Variants in MAN2A1 observed in about 807,000 individuals in gnomAD.
MAN2A1 encodes the protein alpha-mannosidase 2.
A neutral mutation model predicts 142.6 loss-of-function variants in MAN2A1; 76 were observed. The observed-to-expected ratio is 0.53, with a 90% confidence interval of 0.44 to 0.65. MAN2A1 has a LOEUF of 0.65. Among genes scored for constraint, MAN2A1 ranks in the 30% least tolerant of loss-of-function variants. The probability of loss-of-function intolerance (pLI) is 0.00; values close to 1 mark genes in which losing one functional copy is unlikely to be tolerated. For synonymous variants in MAN2A1, 559 were observed against 473.2 expected, an observed-to-expected ratio of 1.18 and a Z score of -2.35; for missense variants, 1,311 against 1,365.1, an observed-to-expected ratio of 0.96 and a Z score of 0.62.
rs188414828 is a variant in MAN2A1, at chr5:109,712,891, A to G, written c.136-629A>G. ...GGTATTATTTTGTATAACGAGGTTT[A>G]TGTTACAGAGATGGCAACCCTCTTA... On this transcript the variant is annotated intron_variant, in intron 1 of 21. Transcript: ENST00000261483. Among the ~76,000 whole-genome samples, 6 of 152,324 alleles carry G rather than the reference A, an allele frequency of 3.9e-5. No individual in the cohort carries two copies. The East Asian group carries it at 5.8e-4, about 15-fold the overall frequency.
At chr5:109,746,090 T>C (rs1388817746) in intron 4 of MAN2A1, among the ~76,000 whole-genome samples, 1 of 152,208 alleles carries the variant, frequency 6.6e-6, no homozygotes, top group Non-Finnish European at 1.5e-5. Context: ...TTCTCGTGCC[T>C]CAGCCTCCCG....
intron 7 of MAN2A1, among the ~76,000 whole-genome samples, chr5:109,771,283 A>T (rs1350519878): frequency 6.6e-6 from 1 of 152,224 alleles, no homozygotes; most frequent in African/African-American, 2.4e-5. Context: ...CTAGGAAAAT[A>T]ATATAGCCCA....
rs73781629 is a variant in MAN2A1, at chr5:109,706,660, A to G, written c.136-6860A>G. Among the ~76,000 whole-genome samples, 534 of 152,260 alleles carry G rather than the reference A, an allele frequency of 3.5e-3. 6 individuals carry two copies. The highest frequency in any genetic ancestry group is 0.012 in the African/African-American group (511 of 41,544). On this transcript the variant is annotated intron_variant, in intron 1 of 21. Transcript: ENST00000261483. ...AGATAAAGGTAATCTTTGCTCTTAC[A>G]TGGTGGGCACATTTGATGACATAAT...
At chr5:109,820,389 A>AT (rs771807812) in intron 15 of MAN2A1, 47 bp downstream of exon 15, 1 of 1,541,966 alleles carries the variant, frequency 6.5e-7, no homozygotes, top group South Asian at 1.2e-5. Context: ...ACTTATTGAA[A>AT]GAGTATTGAG....
At chr5:109,704,828 C>T (rs1486722467) in intron 1 of MAN2A1, among the ~76,000 whole-genome samples, 1 of 152,142 alleles carries the variant, frequency 6.6e-6, no homozygotes, top group Non-Finnish European at 1.5e-5. Flanking sequence ...GTGTGAGAAT[C>T]GCCTGGTGAG....
intron 12 of MAN2A1, among the ~76,000 whole-genome samples, chr5:109,794,426 G>C (rs1272932843): frequency 6.6e-6 from 1 of 152,080 alleles, no homozygotes; most frequent in East Asian, 1.9e-4. Context: ...CTTTCCATTA[G>C]TTAACAGAAA....
chr5:109,738,009 G>C (rs947613840), intron 4 of MAN2A1, among the ~76,000 whole-genome samples: 1 of 152,128 alleles, frequency 6.6e-6, no homozygotes, highest in Admixed American at 6.6e-5. Context: ...CGTGTGCTTT[G>C]TGCATTCCTT....
intron 16 of MAN2A1, among the ~76,000 whole-genome samples, chr5:109,833,866 T>C (rs1390334359): frequency 6.6e-6 from 1 of 152,206 alleles, no homozygotes; most frequent in African/African-American, 2.4e-5. Flanking sequence ...TAGGTATGCT[T>C]TCAATTTTGG....
At chr5:109,841,250 G>A (rs1473220643) in intron 16 of MAN2A1, among the ~76,000 whole-genome samples, 1 of 152,152 alleles carries the variant, frequency 6.6e-6, no homozygotes, top group Non-Finnish European at 1.5e-5. Context: ...CATCACCTGA[G>A]CAGTATACAC....
At chr5:109,693,665 A>G (rs1750734952) in intron 1 of MAN2A1, among the ~76,000 whole-genome samples, 1 of 151,944 alleles carries the variant, frequency 6.6e-6, no homozygotes, top group South Asian at 2.1e-4. Context: ...CTCTGGGGCA[A>G]GAGTGGGCTG....
intron 4 of MAN2A1, among the ~76,000 whole-genome samples, chr5:109,753,959 A>G (rs887365049): frequency 8.7e-5 from 13 of 149,588 alleles, no homozygotes; most frequent in Non-Finnish European, 1.0e-4. Flanking sequence ...CCCAGGCTGG[A>G]GTGCAGTGGC....
chr5:109,718,362 A>G (rs1169869395), intron 3 of MAN2A1, among the ~76,000 whole-genome samples: 1 of 152,240 alleles, frequency 6.6e-6, no homozygotes, highest in African/African-American at 2.4e-5. Flanking sequence ...CTTAACTGTA[A>G]TAATAAAATC....
chr5:109,816,625 G>C (rs1475305630), intron 12 of MAN2A1, among the ~76,000 whole-genome samples: 1 of 152,066 alleles, frequency 6.6e-6, no homozygotes, highest in Non-Finnish European at 1.5e-5. Context: ...ATGAATATTA[G>C]ATTTTTAACT....
At chr5:109,758,627 T>C (rs543605806) in intron 5 of MAN2A1, among the ~76,000 whole-genome samples, 2 of 150,078 alleles carry the variant, frequency 1.3e-5, no homozygotes, top group Admixed American at 6.7e-5. Flanking sequence ...TTTTATGGTT[T>C]TAGCTCTTAC....
In MAN2A1 at chr5:109,865,112, G is replaced by A. The variant is rs1580327710; in HGVS notation, c.3248G>A (p.Gly1083Asp). ...KGFDCRFSSKGTGLFCSTTQG... is the reference protein window; with the variant it reads ...KGFDCRFSSKDTGLFCSTTQG... The stretch of plus-strand genomic sequence containing the variant: ...TTTGATTGTCGGTTCTCTAGCAAAG[G>A]CACAGGGCTGTTTTGTTCTACTACT... Residue 1083 changes from glycine to aspartate, a missense_variant, in exon 21 of 22, where the codon GGC becomes GAC. Gly to Asp is a moderately conservative substitution (Grantham distance 94, BLOSUM62 -1). Coordinates refer to ENST00000261483, the MANE Select transcript of MAN2A1 (RefSeq NM_002372.4). The A allele has an allele frequency of 1.2e-6, 2 of 1,613,996 alleles. No individual in the cohort carries two copies. Among genetic ancestry groups the A allele is most frequent in the East Asian group, 4.5e-5 (2 of 44,882 alleles).
chr5:109,718,453 G>A (rs1247944525), intron 3 of MAN2A1, among the ~76,000 whole-genome samples: 1 of 152,164 alleles, frequency 6.6e-6, no homozygotes, highest in African/African-American at 2.4e-5. Context: ...GATTCACGAT[G>A]AAGGTGTTAC....
chr5:109,839,722 A>G (rs1755151700), intron 16 of MAN2A1, among the ~76,000 whole-genome samples: 1 of 138,990 alleles, frequency 7.2e-6, no homozygotes, highest in South Asian at 2.2e-4. Context: ...TAATAGTTTT[A>G]TGAATGTAGG....
intron 8 of MAN2A1, among the ~76,000 whole-genome samples, chr5:109,778,523 C>T (rs1447933332): frequency 6.6e-6 from 1 of 151,964 alleles, no homozygotes; most frequent in Non-Finnish European, 1.5e-5. Context: ...CCTTATATTC[C>T]TCATTTACAG....
chr5:109,776,789 T>C (rs972134342), intron 8 of MAN2A1, among the ~76,000 whole-genome samples: 3 of 152,172 alleles, frequency 2.0e-5, no homozygotes, highest in Non-Finnish European at 4.4e-5. Context: ...TACTTTCACA[T>C]CTGTCACCAT....
Sources: gnomAD v4.1 joint callset for allele counts (sites outside exome capture counted in the v4.1 genomes callset) on GRCh38, gnomAD v4.1.1 for gene constraint, MANE v1.5 for transcripts, NCBI Gene and HGNC (gene_info 2026-07-23, HGNC 2026-07-21) for gene names.